PPP2R5E: variants seen among roughly 807,000 people sequenced by gnomAD.
The protein encoded by PPP2R5E is protein phosphatase 2 regulatory subunit B'epsilon.
In PPP2R5E, 4 loss-of-function variants were observed where a neutral mutation model predicts 65.3. The observed-to-expected ratio is 0.06, with a 90% confidence interval of 0.03 to 0.14. PPP2R5E has a LOEUF of 0.14. PPP2R5E is among the 10% of genes least tolerant of loss of function. The probability of loss-of-function intolerance (pLI) is 1.00; values close to 1 mark genes in which losing one functional copy is unlikely to be tolerated. For synonymous variants in PPP2R5E, 183 were observed against 187.4 expected (o/e 0.98, Z 0.19); for missense variants, 274 against 556.1 (o/e 0.49, Z 5.10).
intron 2 of PPP2R5E, among the ~76,000 whole-genome samples, chr14:63,497,167 T>A (rs1566744365): frequency 1.3e-5 from 2 of 152,132 alleles, no homozygotes; most frequent in Non-Finnish European, 2.9e-5. Flanking sequence ...ATCACAAACA[T>A]GCAATACCTA....
intron 3 of PPP2R5E, among the ~76,000 whole-genome samples, chr14:63,449,213 G>C (rs931207218): frequency 2.6e-5 from 4 of 152,104 alleles, no homozygotes; most frequent in African/African-American, 7.2e-5. Context: ...GAAATCAGCG[G>C]GGACAGTGAT....
intron 2 of PPP2R5E, among the ~76,000 whole-genome samples, chr14:63,539,062 A>G (rs891336793): frequency 1.2e-4 from 19 of 152,162 alleles, no homozygotes; most frequent in African/African-American, 4.6e-4. Context: ...GCATGTAAAC[A>G]ACTATAAATG....
At chr14:63,447,859 T>C (rs1171755470) in intron 3 of PPP2R5E, among the ~76,000 whole-genome samples, 1 of 152,180 alleles carries the variant, frequency 6.6e-6, no homozygotes, top group Non-Finnish European at 1.5e-5. Flanking sequence ...ATTTCAATAC[T>C]GTTGTGTCTC....
At chr14:63,418,013 C>T (rs1433133486) in intron 4 of PPP2R5E, among the ~76,000 whole-genome samples, 2 of 152,152 alleles carry the variant, frequency 1.3e-5, no homozygotes, top group Admixed American at 6.5e-5. Flanking sequence ...TAGGGATTCA[C>T]GTTAGCATTT....
intron 3 of PPP2R5E, among the ~76,000 whole-genome samples, chr14:63,450,244 T>C (rs967207630): frequency 6.6e-6 from 1 of 152,204 alleles, no homozygotes; most frequent in African/African-American, 2.4e-5. Flanking sequence ...AAGTACCGTA[T>C]ATAATTAGTA....
chr14:63,483,244 AG>A (rs1017880226), intron 2 of PPP2R5E, among the ~76,000 whole-genome samples: 2 of 152,044 alleles, frequency 1.3e-5, no homozygotes, highest in African/African-American at 4.8e-5. Context: ...GAACATGGGG[AG>A]GGGGGGTCAC....
At chr14:63,499,477 C>CA (rs1891746779) in intron 2 of PPP2R5E, among the ~76,000 whole-genome samples, 1 of 152,144 alleles carries the variant, frequency 6.6e-6, no homozygotes, top group Non-Finnish European at 1.5e-5. Context: ...GTAATCCCAG[C>CA]ACTTTGGGAG....
intron 2 of PPP2R5E, among the ~76,000 whole-genome samples, chr14:63,499,683 C>T (rs1891760265): frequency 6.6e-6 from 1 of 151,308 alleles, no homozygotes; most frequent in South Asian, 2.1e-4. Flanking sequence ...GCTGAGATCG[C>T]ACCACTGCAC....
At chr14:63,402,975 TCAAAGAAGATA>T (rs1400868695) in intron 5 of PPP2R5E, among the ~76,000 whole-genome samples, 1 of 152,076 alleles carries the variant, frequency 6.6e-6, no homozygotes, top group Admixed American at 6.6e-5. Context: ...AGAGAAGATC[TCAAAGAAGATA>T]CAAAGAAGAC....
intron 5 of PPP2R5E, among the ~76,000 whole-genome samples, chr14:63,399,433 G>A (rs556650791): frequency 7.3e-4 from 92 of 125,300 alleles, no homozygotes; most frequent in African/African-American, 2.7e-3. Context: ...AGGCTGGAGT[G>A]CAGTGGCGCT....
At chr14:63,424,082 C>T (rs1275673978) in intron 3 of PPP2R5E, among the ~76,000 whole-genome samples, 2 of 151,970 alleles carry the variant, frequency 1.3e-5, no homozygotes, top group Non-Finnish European at 2.9e-5. Flanking sequence ...CAAGGAATGA[C>T]GCTGGCTTGG....
At chr14:63,490,140 C>T (rs1356018401) in intron 2 of PPP2R5E, among the ~76,000 whole-genome samples, 2 of 152,034 alleles carry the variant, frequency 1.3e-5, no homozygotes, top group Non-Finnish European at 2.9e-5. Flanking sequence ...AATATAGCAG[C>T]CACTAGCCAC....
chr14:63,413,481 T>G (rs1362596262), intron 5 of PPP2R5E, among the ~76,000 whole-genome samples: 1 of 152,126 alleles, frequency 6.6e-6, no homozygotes, highest in Non-Finnish European at 1.5e-5. Flanking sequence ...AAATCCAGAA[T>G]AGGAAATGTG....
chr14:63,471,102 T>C (rs1890105166), intron 2 of PPP2R5E, among the ~76,000 whole-genome samples: 1 of 152,222 alleles, frequency 6.6e-6, no homozygotes, highest in Non-Finnish European at 1.5e-5. Context: ...AACTCTCATA[T>C]TACATAAATC....
chr14:63,492,714 G>GTGTTT (rs1891340002), intron 2 of PPP2R5E, among the ~76,000 whole-genome samples: 1 of 152,144 alleles, frequency 6.6e-6, no homozygotes, highest in Non-Finnish European at 1.5e-5. Context: ...TGATCATCAA[G>GTGTTT]TGTTTTGTTT....
chr14:63,437,548 T>C (rs1888004088), intron 3 of PPP2R5E, among the ~76,000 whole-genome samples: 1 of 152,202 alleles, frequency 6.6e-6, no homozygotes, highest in Non-Finnish European at 1.5e-5. Context: ...ACAGTTTCTC[T>C]ATTGTCTACA....
At chr14:63,399,515 ATTTC>A (rs965975344) in intron 5 of PPP2R5E, among the ~76,000 whole-genome samples, 1 of 150,684 alleles carries the variant, frequency 6.6e-6, no homozygotes, top group African/African-American at 2.4e-5. Context: ...GTGGGTCTGG[ATTTC>A]TTTGAGGGAT....
chr14:63,391,982 A>C lies in PPP2R5E; in HGVS notation c.893T>G (p.Leu298Arg). 6.2e-7 allele frequency: 1 copy of C among 1,611,302 alleles called. No homozygotes were observed. Among genetic ancestry groups the C allele is most frequent in the Middle Eastern group, 1.7e-4 (1 of 5,876 alleles). The change falls in exon 9 of 14, where the codon CTC (leucine) becomes CGC (arginine). Residue 298 changes from leucine to arginine, a missense_variant. Leu to Arg is a moderately radical substitution (Grantham distance 102). Coordinates refer to ENST00000337537, the MANE Select transcript of PPP2R5E (RefSeq NM_006246.5). Reference protein sequence around the residue: ...IVQFLEKDPSLTEPVIRGLMK... With the variant: ...IVQFLEKDPSRTEPVIRGLMK... ...GGAAAAAAGACTTACTGGTTCTGTG[A>C]GTGAAGGATCTTTCTCCAGAAACTG... is the stretch of plus-strand genomic sequence containing the variant.
chr14:63,484,378 C>CACACACACACAT (rs981814797), intron 2 of PPP2R5E, among the ~76,000 whole-genome samples: 24 of 151,632 alleles, frequency 1.6e-4, no homozygotes, highest in Admixed American at 7.9e-4. Context: ...CACACACACA[C>CACACACACACAT]ACACACACAA....
Sources: allele counts gnomAD v4.1 joint callset (sites outside exome capture counted in the v4.1 genomes callset), GRCh38; gene constraint gnomAD v4.1.1; transcripts MANE v1.5; gene names NCBI Gene and HGNC (gene_info 2026-07-23, HGNC 2026-07-21).